Variants in DHX57 observed in about 807,000 individuals in gnomAD.
The protein encoded by DHX57 is putative ATP-dependent RNA helicase DHX57.
DHX57 carries 105 observed loss-of-function variants against 156.2 expected under a neutral mutation model. The observed-to-expected ratio is 0.67, with a 90% confidence interval of 0.57 to 0.79. The LOEUF (loss-of-function observed/expected upper bound fraction) is 0.79. Among genes scored for constraint, DHX57 ranks in the 30% least tolerant of loss-of-function variants. DHX57 has a pLI of 0.00. For missense variants in DHX57, 1,847 were observed against 1,661.9 expected (o/e 1.11, Z -1.94); for synonymous variants, 704 against 595.6 (o/e 1.18, Z -2.65).
At chr2:38,846,066 A>G (rs1261252818) in intron 11 of DHX57, among the ~76,000 whole-genome samples, 1 of 151,954 alleles carries the variant, frequency 6.6e-6, no homozygotes, top group African/African-American at 2.4e-5. Context: ...GGGTTTCACC[A>G]TATTGGCCAA....
At chr2:38,856,224 G>A in intron 7 of DHX57, 116 bp downstream of exon 7, 2 of 1,410,232 alleles carry the variant, frequency 1.4e-6, no homozygotes, top group Non-Finnish European at 1.9e-6. Context: ...CAAGGCAGAT[G>A]TATATAATAT....
chr2:38,802,751 A>G lies in DHX57; in HGVS notation c.3981T>C (p.Asp1327=). The G allele has an allele frequency of 6.2e-7, 1 of 1,614,188 alleles. No homozygotes were observed. The highest frequency in any genetic ancestry group is 1.1e-5 in the South Asian group (1 of 91,080). Reference sequence around the variant, plus strand: ...CAGCTACAAAACGGATCCAACCATCATCCAGGGAGACAACGAACTCTCCTC... The same window carrying G: ...CAGCTACAAAACGGATCCAACCATCGTCCAGGGAGACAACGAACTCTCCTC... ...LQRGEFVVSL[D]DGWIRFVAAS... Residue 1327 remains aspartate, a synonymous_variant, in exon 23 of 24, where the codon GAT becomes GAC. Coordinates refer to ENST00000457308, the MANE Select transcript of DHX57 (RefSeq NM_198963.3).
chr2:38,815,384 G>A (rs544882122), intron 20 of DHX57, 137 bp downstream of exon 20: 18 of 1,162,750 alleles, frequency 1.5e-5, no homozygotes, highest in Middle Eastern at 2.1e-4. Flanking sequence ...TTATTTGTGC[G>A]AAGCAGAAAA....
In DHX57 at chr2:38,839,771, C is replaced by A. The variant is rs972002835; in HGVS notation, c.2426-1824G>T. Among the ~76,000 whole-genome samples, 4 of 150,660 alleles carry A rather than the reference C, an allele frequency of 2.7e-5. No homozygotes were observed. In the South Asian group the frequency reaches 8.4e-4, roughly 32 times the overall value. On this transcript the variant is annotated intron_variant, in intron 12 of 23. Transcript: ENST00000457308. ...CAATGTTGTTCTGGTAGAATGAATA[C>A]CATGTTGGTCAAAAATGAAAAAAAG...
At chr2:38,827,485 C>CAAAAAA (rs1196817843) in intron 14 of DHX57, among the ~76,000 whole-genome samples, 3 of 8,494 alleles carry the variant, frequency 3.5e-4, no homozygotes, top group African/African-American at 5.2e-4. Flanking sequence ...GACTCTGTCT[C>CAAAAAA]AAAAAAAAAA....
intron 21 of DHX57, chr2:38,811,205 C>T (rs774501268): frequency 4.7e-5 from 23 of 490,106 alleles, no homozygotes; most frequent in Non-Finnish European, 7.4e-5. Flanking sequence ...CAGATCACTG[C>T]GGCCCTTGGA....
chr2:38,863,071 A>G (rs1673318738), intron 3 of DHX57: 1 of 267,252 alleles, frequency 3.7e-6, no homozygotes, highest in Non-Finnish European at 7.1e-6. Context: ...CTACTTGTTC[A>G]TTACAAGGGT....
chr2:38,870,499 G>T (rs1488200169), intron 1 of DHX57, among the ~76,000 whole-genome samples: 3 of 152,222 alleles, frequency 2.0e-5, no homozygotes, highest in African/African-American at 7.2e-5. Flanking sequence ...CACTTACAGG[G>T]GGGAACCCCA....
At chr2:38,806,865 C>CT (rs34006142) in intron 21 of DHX57, among the ~76,000 whole-genome samples, 172 bp from the exon 22 acceptor site, 165 of 137,146 alleles carry the variant, frequency 1.2e-3, no homozygotes, top group African/African-American at 3.3e-3. Flanking sequence ...CAAGCACATG[C>CT]TTTTTTTTTT....
intron 15 of DHX57, 50 bp downstream of exon 15, chr2:38,826,466 T>C: frequency 6.3e-7 from 1 of 1,591,762 alleles, no homozygotes; most frequent in Middle Eastern, 1.7e-4. Flanking sequence ...GGTGTCTCCC[T>C]AAATGAAGCA....
chr2:38,848,675 G>T (rs1672419273), intron 9 of DHX57, among the ~76,000 whole-genome samples: 1 of 152,106 alleles, frequency 6.6e-6, no homozygotes, highest in Non-Finnish European at 1.5e-5. Flanking sequence ...GAGATATCTG[G>T]GGGATGGGGT....
intron 6 of DHX57, chr2:38,856,692 G>C (rs1252923706): frequency 1.1e-5 from 4 of 350,576 alleles, no homozygotes; most frequent in African/African-American, 6.5e-5. Context: ...TGTAGAGACA[G>C]GACTTCACCA....
Position 38,843,079 on chromosome 2 carries a change from T to C in DHX57, c.2351A>G (p.Gln784Arg). Residue 784 changes from glutamine (Q) to arginine (R), a missense_variant, in exon 12 of 24, where the codon CAG (glutamine) becomes CGG (arginine). Transcript: ENST00000457308. Reference protein sequence around the residue: ...EEDLRLSLHLQDQDSVKDAVP... With the variant: ...EEDLRLSLHLRDQDSVKDAVP... Reference sequence around the variant, plus strand: ...TGCATCTTTGACAGAATCCTGATCCTGGAGGTGAAGGGAGAGCCTTAGGTC... The same window carrying C: ...TGCATCTTTGACAGAATCCTGATCCCGGAGGTGAAGGGAGAGCCTTAGGTC... 1.9e-6 allele frequency: 3 copies of C among 1,614,228 alleles called. No individual in the cohort carries two copies. Among genetic ancestry groups the C allele is most frequent in the Non-Finnish European group, 2.5e-6 (3 of 1,180,024 alleles).
At chr2:38,807,903 C>G (rs1670036519) in intron 21 of DHX57, among the ~76,000 whole-genome samples, 1 of 150,246 alleles carries the variant, frequency 6.7e-6, no homozygotes, top group Non-Finnish European at 1.5e-5. Flanking sequence ...CCCTCTGTCT[C>G]CCAAAGTGCT....
intron 16 of DHX57, among the ~76,000 whole-genome samples, 175 bp from the exon 17 acceptor site, chr2:38,823,444 T>C (rs914018003): frequency 6.6e-6 from 1 of 152,224 alleles, no homozygotes; most frequent in Non-Finnish European, 1.5e-5. Flanking sequence ...CTGAAACTTA[T>C]TCATATTCAG....
intron 9 of DHX57, among the ~76,000 whole-genome samples, chr2:38,851,117 TAAATC>T (rs950103759): frequency 6.6e-5 from 10 of 152,270 alleles, no homozygotes; most frequent in South Asian, 6.2e-4. Flanking sequence ...ATCATTCTGT[TAAATC>T]AAAAACAGCA....
At position 38,856,362 on chromosome 2, in the gene DHX57, C is replaced by G; in HGVS notation, c.1687G>C (p.Val563Leu). The G allele has an allele frequency of 6.2e-7, 1 of 1,612,044 alleles. No individual in the cohort carries two copies. The highest frequency in any genetic ancestry group is 1.1e-5 in the South Asian group (1 of 90,340). The change falls in exon 7 of 24, where the codon GTT (valine) becomes CTT (leucine). Residue 563 changes from valine to leucine, a missense_variant. Val to Leu is a conservative substitution (Grantham distance 32). Coordinates refer to ENST00000457308, the MANE Select transcript of DHX57 (RefSeq NM_198963.3). ...TACCCAGTCATACCACTTATGACAA[C>G]CACCTGGTGCTTACGCAATAAGTTA... Reference protein sequence around the residue: ...ILNLLRKHQVVVISGMTGCGK... With the variant: ...ILNLLRKHQVLVISGMTGCGK...
At chr2:38,828,192 C>T (rs1671201241) in intron 14 of DHX57, 148 bp downstream of exon 14, 3 of 515,290 alleles carry the variant, frequency 5.8e-6, no homozygotes, top group Non-Finnish European at 9.9e-6. Flanking sequence ...TAACTGATTT[C>T]CTGCAGCAAA....
At chr2:38,832,962 T>G (rs1457815931) in intron 13 of DHX57, among the ~76,000 whole-genome samples, 2 of 151,488 alleles carry the variant, frequency 1.3e-5, no homozygotes, top group African/African-American at 4.8e-5. Context: ...AATACAGTGG[T>G]GAACAAGAAA....
Sources: allele counts gnomAD v4.1 joint callset (sites outside exome capture counted in the v4.1 genomes callset), GRCh38; gene constraint gnomAD v4.1.1; transcripts MANE v1.5; gene names NCBI Gene and HGNC (gene_info 2026-07-23, HGNC 2026-07-21).